Variants in DLGAP4 observed in about 807,000 individuals in gnomAD.
The protein encoded by DLGAP4 is DLG associated protein 4, also known as disks large-associated protein 4.
A neutral mutation model predicts 86.9 loss-of-function variants in DLGAP4; 18 were observed. The observed-to-expected ratio is 0.21, with a 90% CI of 0.14 to 0.31. DLGAP4 has a LOEUF of 0.31. Among genes scored for constraint, DLGAP4 ranks in the 10% least tolerant of loss-of-function variants. The pLI is 1.00. For missense variants in DLGAP4, 1,085 were observed against 1,362.6 expected, an observed-to-expected ratio of 0.80 and a Z score of 3.21; for synonymous variants, 548 against 574.3, an observed-to-expected ratio of 0.95 and a Z score of 0.65.
At chr20:36,342,473 A>G (rs2065393065) in intron 1 of DLGAP4, among the ~76,000 whole-genome samples, 1 of 152,138 alleles carries the variant, frequency 6.6e-6, no homozygotes, top group South Asian at 2.1e-4. Context: ...GGCCAGGCCC[A>G]GCTCCCACCA....
At chr20:36,408,980 G>C (rs4254561) in intron 2 of DLGAP4, among the ~76,000 whole-genome samples, 115,407 of 150,762 alleles carry the variant, frequency 0.77, 44,516 homozygotes, top group African/African-American at 0.85. Flanking sequence ...TATACAAGAA[G>C]TCTCTATACT....
chr20:36,526,125 G>T, intron 12 of DLGAP4, 119 bp downstream of exon 12: 3 of 1,461,248 alleles, frequency 2.1e-6, no homozygotes, highest in Non-Finnish European at 2.9e-6. Flanking sequence ...TTGAGCTGGG[G>T]TCTCACATCC....
chr20:36,380,620 AGAGAGAGAGAGAGAGAGAGAG>A (rs2031347370), intron 2 of DLGAP4, among the ~76,000 whole-genome samples: 1 of 36,222 alleles, frequency 2.8e-5, no homozygotes, highest in Non-Finnish European at 4.8e-5. Context: ...AGAGAGAGAG[AGAGAGAGAGAGAGAGAGAGAG>A]AGAGAGAGAG....
rs114758764 is a variant in DLGAP4, at chr20:36,395,019, C to T, written c.-73+27744C>T. On this transcript the variant is annotated intron_variant, in intron 2 of 12. Transcript: ENST00000339266. The stretch of plus-strand genomic sequence containing the variant: ...CCCCCTCCTCTTTTAGCCTCCCCGT[C>T]GTTCTCTCTGCTCCAGCCACACCAG... Among the ~76,000 whole-genome samples the T allele has an allele frequency of 6.3e-3, 960 of 152,192 alleles. 11 individuals carry two copies. The highest frequency in any genetic ancestry group is 0.022 in the African/African-American group (910 of 41,518).
At chr20:36,366,280 C>T (rs955908112) in intron 1 of DLGAP4, among the ~76,000 whole-genome samples, 3 of 152,116 alleles carry the variant, frequency 2.0e-5, no homozygotes, top group African/African-American at 7.2e-5. Flanking sequence ...AGGCTGGTCT[C>T]AAACTCCTGA....
chr20:36,321,335 G>A lies in DLGAP4; in HGVS notation c.-304+14823G>A, dbSNP rs1438086358. On this transcript the variant is annotated intron_variant, in intron 1 of 12. Coordinates refer to ENST00000339266, the MANE Select transcript of DLGAP4 (RefSeq NM_001365621.2). ...GGGAGCAAGAAGACGGGCAGGGATG[G>A]GGTCTTTCAGAGCCTCAAGTGCCAG... 3.3e-5 allele frequency among the ~76,000 whole-genome samples: 5 copies of A among 152,384 alleles called. No individual in the cohort carries two copies. In the East Asian group the frequency reaches 9.6e-4, roughly 29 times the overall value.
chr20:36,428,307 T>C (rs966809704), intron 2 of DLGAP4, among the ~76,000 whole-genome samples: 1 of 152,210 alleles, frequency 6.6e-6, no homozygotes, highest in African/African-American at 2.4e-5. Flanking sequence ...TAGCTGCATG[T>C]CAAGTGCTCT....
At chr20:36,497,444 A>C in intron 8 of DLGAP4, 1 of 1,058,150 alleles carries the variant, frequency 9.5e-7, no homozygotes, top group African/African-American at 1.7e-5. Flanking sequence ...TCTCTAATCC[A>C]AGGTCAGCTC....
At chr20:36,504,132 T>C (rs2036262782) in intron 10 of DLGAP4, among the ~76,000 whole-genome samples, 3 of 152,238 alleles carry the variant, frequency 2.0e-5, no homozygotes, top group Non-Finnish European at 4.4e-5. Flanking sequence ...TGTTTTTAAG[T>C]GTGCAATTCA....
intron 10 of DLGAP4, chr20:36,512,602 G>GT (rs1343459324): frequency 6.6e-6 from 1 of 152,330 alleles, no homozygotes; most frequent in Non-Finnish European, 1.5e-5. Context: ...CAGGTGAGCA[G>GT]TAACAAATAA....
intron 7 of DLGAP4, among the ~76,000 whole-genome samples, chr20:36,467,020 CTCT>C (rs1569509584): frequency 2.3e-3 from 20 of 8,784 alleles, no homozygotes; most frequent in East Asian, 9.0e-3. Context: ...TCTCTCTCCT[CTCT>C]CTCTCTCTCT....
At chr20:36,374,962 G>T (rs1327536394) in intron 2 of DLGAP4, among the ~76,000 whole-genome samples, 1 of 152,272 alleles carries the variant, frequency 6.6e-6, no homozygotes, top group Non-Finnish European at 1.5e-5. Context: ...AGTTTGAATG[G>T]AGGGCAGAGA....
intron 10 of DLGAP4, among the ~76,000 whole-genome samples, chr20:36,520,406 C>T (rs889066602): frequency 6.6e-6 from 1 of 152,056 alleles, no homozygotes; most frequent in African/African-American, 2.4e-5. Context: ...AGTGCAGTGG[C>T]ACAATCTCAG....
At chr20:36,478,380 A>G (rs2035039072) in intron 7 of DLGAP4, among the ~76,000 whole-genome samples, 1 of 152,214 alleles carries the variant, frequency 6.6e-6, no homozygotes, top group Admixed American at 6.5e-5. Flanking sequence ...GGGAGGGGAA[A>G]GGACTATGAA....
chr20:36,374,051 A>G (rs1244281558), intron 2 of DLGAP4, among the ~76,000 whole-genome samples: 1 of 142,884 alleles, frequency 7.0e-6, no homozygotes, highest in Admixed American at 7.0e-5. Context: ...AAAAAAAAAG[A>G]AAAAGAAAAT....
At chr20:36,385,333 C>T (rs531202918) in intron 2 of DLGAP4, among the ~76,000 whole-genome samples, 25 of 152,160 alleles carry the variant, frequency 1.6e-4, no homozygotes, top group Admixed American at 5.2e-4. Flanking sequence ...CGGAAGAGCA[C>T]GGTAATCACT....
At chr20:36,446,350 G>T (rs1158711906) in intron 6 of DLGAP4, among the ~76,000 whole-genome samples, 3 of 152,118 alleles carry the variant, frequency 2.0e-5, no homozygotes, top group South Asian at 4.1e-4. Context: ...CCAACATTCA[G>T]GACAGACATT....
intron 5 of DLGAP4, among the ~76,000 whole-genome samples, chr20:36,441,099 G>A (rs998795690): frequency 6.6e-6 from 1 of 152,034 alleles, no homozygotes; most frequent in Non-Finnish European, 1.5e-5. Flanking sequence ...GTGGCCAGAG[G>A]GAGCTGTCAG....
At chr20:36,450,091 C>T (rs1212079982) in intron 7 of DLGAP4, among the ~76,000 whole-genome samples, 2 of 152,230 alleles carry the variant, frequency 1.3e-5, no homozygotes, top group African/African-American at 2.4e-5. Context: ...ATCCTATTGG[C>T]AACACAAGTC....
Sources: allele counts gnomAD v4.1 joint callset (sites outside exome capture counted in the v4.1 genomes callset), GRCh38; gene constraint gnomAD v4.1.1; transcripts MANE v1.5; gene names NCBI Gene and HGNC (gene_info 2026-07-23, HGNC 2026-07-21).